Variants in TFEC observed in about 807,000 individuals in gnomAD.
TFEC encodes class E basic helix-loop-helix protein 34.
Under a neutral mutation model 41.6 loss-of-function variants are expected in TFEC, and 31 were observed. That is an observed-to-expected ratio of 0.74 (90% confidence interval 0.56 to 1.01). The LOEUF (loss-of-function observed/expected upper bound fraction) is 1.01. TFEC is among the 50% of genes least tolerant of loss of function. The pLI is 0.00. For missense variants in TFEC, 402 were observed against 404.1 expected (o/e 0.99, Z 0.04); for synonymous variants, 143 against 140.6 (o/e 1.02, Z -0.12).
At chr7:115,957,989 G>A (rs972661447) in intron 3 of TFEC, among the ~76,000 whole-genome samples, 1 of 151,798 alleles carries the variant, frequency 6.6e-6, no homozygotes, top group Non-Finnish European at 1.5e-5. Context: ...AATCACGTCA[G>A]TTTATATGCA....
At chr7:115,969,781 G>T (rs1346159128) in intron 3 of TFEC, among the ~76,000 whole-genome samples, 1 of 151,938 alleles carries the variant, frequency 6.6e-6, no homozygotes, top group Non-Finnish European at 1.5e-5. Context: ...GCTGTAGGGA[G>T]AGATGATGGA....
At chr7:116,040,523 T>C (rs1260827130) in intron 3 of TFEC, among the ~76,000 whole-genome samples, 1 of 152,182 alleles carries the variant, frequency 6.6e-6, no homozygotes, top group Non-Finnish European at 1.5e-5. Context: ...TATTTGATAT[T>C]TTAATATTAT....
chr7:115,998,935 A>T (rs972279594), intron 1 of TFEC, among the ~76,000 whole-genome samples: 3 of 152,066 alleles, frequency 2.0e-5, no homozygotes, highest in Non-Finnish European at 4.4e-5. Context: ...TCCACACAGA[A>T]AATCAATAAA....
chr7:115,999,017 G>A (rs950883788), intron 1 of TFEC, among the ~76,000 whole-genome samples: 1 of 151,846 alleles, frequency 6.6e-6, no homozygotes, highest in African/African-American at 2.4e-5. Flanking sequence ...TTCATTCAAT[G>A]GCTACAATAT....
intron 3 of TFEC, among the ~76,000 whole-genome samples, chr7:116,090,330 G>A (rs376909857): frequency 1.8e-3 from 278 of 152,204 alleles, no homozygotes; most frequent in African/African-American, 6.3e-3. Flanking sequence ...TCTCTAGGGG[G>A]CATTTGGACC....
Position 115,940,287 on chromosome 7 carries a change from G to C in TFEC, c.*264C>G. On this transcript the variant is annotated 3_prime_UTR_variant, in exon 8 of 8. Transcript: ENST00000265440. ...TCAATAAAGAGCTATTTCTTATGCT[G>C]TACCTCTTTTCAGGAAAACAGAATT... The C allele has an allele frequency of 2.9e-6, 1 of 349,388 alleles. No homozygotes were observed. The highest frequency in any genetic ancestry group is 5.2e-6 in the Non-Finnish European group (1 of 190,626). 21.6% of individuals were successfully genotyped at this position (349,388 alleles called of 1,614,324 possible).
chr7:116,096,882 G>A (rs1797474029), intron 3 of TFEC, among the ~76,000 whole-genome samples: 1 of 152,084 alleles, frequency 6.6e-6, no homozygotes, highest in South Asian at 2.1e-4. Context: ...ACGAAGTCAG[G>A]AAATCGAGAA....
chr7:115,940,705 G>A lies in TFEC; in HGVS notation c.890C>T (p.Ala297Val). Residue 297 changes from alanine (A) to valine (V), a missense_variant, in exon 8 of 8, where the codon GCA (alanine) becomes GTA (valine). By Grantham distance (64) the Ala-to-Val change is moderately conservative. Coordinates refer to ENST00000265440, the MANE Select transcript of TFEC (RefSeq NM_012252.4). ...SYFTDLSFSAALKEEQRLDGM... is the reference protein window; with the variant it reads ...SYFTDLSFSAVLKEEQRLDGM... ...ATCCAATCTTTGTTCCTCTTTCAAT[G>A]CAGCACTAAATGATAAATCTGTGAA... 2 of 1,613,528 alleles carry A rather than the reference G, an allele frequency of 1.2e-6. No individual in the cohort carries two copies. The highest frequency in any genetic ancestry group is 1.7e-6 in the Non-Finnish European group (2 of 1,179,644).
At position 115,943,427 on chromosome 7, in the gene TFEC, A is replaced by T. The variant is rs530181085; in HGVS notation, c.516-1387T>A. On this transcript the variant is annotated intron_variant, in intron 6 of 7. Coordinates refer to ENST00000265440, the MANE Select transcript of TFEC (RefSeq NM_012252.4). Reference sequence around the variant, plus strand: ...AGCTTGAGGACAGAGAAACAGATTTAAAAAAAAAGATAACCCTAGCCATAT... The same window carrying T: ...AGCTTGAGGACAGAGAAACAGATTTTAAAAAAAAGATAACCCTAGCCATAT... 1.3e-4 allele frequency among the ~76,000 whole-genome samples: 20 copies of T among 151,424 alleles called. No individual in the cohort carries two copies. The East Asian group carries it at 2.3e-3, about 18-fold the overall frequency.
chr7:116,002,461 G>A (rs1361726607), intron 1 of TFEC, among the ~76,000 whole-genome samples: 1 of 152,094 alleles, frequency 6.6e-6, no homozygotes, highest in African/African-American at 2.4e-5. Context: ...ATTTATTTGT[G>A]GGAGTTAAAA....
chr7:116,137,842 A>G (rs190230975), intron 1 of TFEC, among the ~76,000 whole-genome samples: 19 of 152,220 alleles, frequency 1.2e-4, no homozygotes, highest in African/African-American at 4.6e-4. Flanking sequence ...TACTTGTGAA[A>G]ACCCTCTGTA....
chr7:115,976,688 T>C (rs1213619751), intron 2 of TFEC, among the ~76,000 whole-genome samples: 4 of 152,206 alleles, frequency 2.6e-5, no homozygotes, highest in African/African-American at 9.6e-5. Flanking sequence ...ATTTTACTTA[T>C]ATTCTACCAC....
At chr7:116,110,082 G>A (rs183611840) in intron 3 of TFEC, among the ~76,000 whole-genome samples, 1 of 152,084 alleles carries the variant, frequency 6.6e-6, no homozygotes, top group Admixed American at 6.5e-5. Flanking sequence ...GTCATGGAGT[G>A]GGGGGAAGGG....
At chr7:116,072,257 T>G (rs751179558) in intron 3 of TFEC, among the ~76,000 whole-genome samples, 1 of 151,616 alleles carries the variant, frequency 6.6e-6, no homozygotes, top group African/African-American at 2.4e-5. Context: ...ATAGTTTTAT[T>G]GCTTCTTTTC....
intron 1 of TFEC, among the ~76,000 whole-genome samples, chr7:116,155,007 C>CTAG (rs1798838947): frequency 6.6e-6 from 1 of 152,194 alleles, no homozygotes; most frequent in Admixed American, 6.5e-5. Context: ...CTGCTATGCA[C>CTAG]CCCCGGAAGT....
intron 3 of TFEC, among the ~76,000 whole-genome samples, chr7:116,078,698 T>C (rs1361856928): frequency 2.6e-5 from 4 of 152,072 alleles, no homozygotes; most frequent in South Asian, 2.1e-4. Context: ...ATTTTTAAAA[T>C]TGCCAATACA....
intron 3 of TFEC, among the ~76,000 whole-genome samples, chr7:116,098,859 G>C (rs1044549941): frequency 7.2e-6 from 1 of 138,162 alleles, no homozygotes; most frequent in Non-Finnish European, 1.6e-5. Flanking sequence ...AAGAAAGAGA[G>C]AGGAAGAAAA....
chr7:116,020,086 C>T (rs752746425), intron 1 of TFEC, among the ~76,000 whole-genome samples: 23 of 152,140 alleles, frequency 1.5e-4, no homozygotes, highest in Non-Finnish European at 2.4e-4. Context: ...AGGTGAGCCA[C>T]CTTATTCTCT....
chr7:115,966,408 G>A (rs375854100), intron 3 of TFEC, among the ~76,000 whole-genome samples: 5 of 151,540 alleles, frequency 3.3e-5, no homozygotes, highest in Admixed American at 6.6e-5. Flanking sequence ...CCTAACATAC[G>A]TGCTATGTCA....
Sources: gnomAD v4.1 joint callset for allele counts (sites outside exome capture counted in the v4.1 genomes callset) on GRCh38, gnomAD v4.1.1 for gene constraint, MANE v1.5 for transcripts, NCBI Gene and HGNC (gene_info 2026-07-23, HGNC 2026-07-21) for gene names.